The following CYRIA variants were observed in gnomAD, a reference collection of about 807,000 sequenced individuals.
CYRIA encodes the protein CYFIP related Rac1 interactor A, also known as CYFIP-related Rac1 interactor A.
CYRIA carries 15 observed loss-of-function variants against 43.9 expected under a neutral mutation model. The observed-to-expected ratio is 0.34, with a 90% CI of 0.23 to 0.53. The LOEUF (loss-of-function observed/expected upper bound fraction) is 0.53, where lower values mean the gene tolerates loss of function less well. CYRIA is among the 20% of genes least tolerant of loss of function. CYRIA has a pLI of 0.94. For synonymous variants in CYRIA, 117 were observed against 136.0 expected, an observed-to-expected ratio of 0.86 and a Z score of 0.97; for missense variants, 236 against 394.2, an observed-to-expected ratio of 0.60 and a Z score of 3.40.
chr2:16,592,316 A>C lies in CYRIA; in HGVS notation c.-10-4187T>G, dbSNP rs572851565. 2.6e-5 allele frequency among the ~76,000 whole-genome samples: 4 copies of C among 152,254 alleles called. No homozygotes were observed. The South Asian group carries it at 8.3e-4, about 32-fold the overall frequency. On this transcript the variant is annotated intron_variant, in intron 2 of 11. Transcript: ENST00000381323. ...GGTATAAGGTCTTGGCTACCAGAGG[A>C]AGAGACGGGAGAGGATATACCAGTT... is the stretch of plus-strand genomic sequence containing the variant.
At chr2:16,637,612 A>G (rs1669537645) in intron 1 of CYRIA, among the ~76,000 whole-genome samples, 1 of 152,228 alleles carries the variant, frequency 6.6e-6, no homozygotes, top group Non-Finnish European at 1.5e-5. Flanking sequence ...TGAACTGACT[A>G]AGCCAATGAC....
intron 1 of CYRIA, among the ~76,000 whole-genome samples, chr2:16,632,951 G>T (rs894369060): frequency 6.6e-6 from 1 of 152,144 alleles, no homozygotes; most frequent in Non-Finnish European, 1.5e-5. Context: ...GGCTGCAGGA[G>T]GGGGGTGCAC....
At chr2:16,631,338 G>A (rs1286413212) in intron 1 of CYRIA, among the ~76,000 whole-genome samples, 1 of 152,224 alleles carries the variant, frequency 6.6e-6, no homozygotes, top group Non-Finnish European at 1.5e-5. Context: ...GCTTCTCTGA[G>A]GGCAGTGAAT....
chr2:16,647,645 T>C (rs1412452326), intron 1 of CYRIA, among the ~76,000 whole-genome samples: 1 of 152,220 alleles, frequency 6.6e-6, no homozygotes, highest in Non-Finnish European at 1.5e-5. Context: ...TAGCCATACA[T>C]ACTGACCTCT....
chr2:16,559,010 G>A (rs1244839980), intron 10 of CYRIA, among the ~76,000 whole-genome samples: 1 of 152,174 alleles, frequency 6.6e-6, no homozygotes, highest in Non-Finnish European at 1.5e-5. Flanking sequence ...AAATGATGAG[G>A]AAAGGCATGG....
chr2:16,630,346 C>T (rs1669291098), intron 1 of CYRIA, among the ~76,000 whole-genome samples: 1 of 152,154 alleles, frequency 6.6e-6, no homozygotes, highest in Admixed American at 6.5e-5. Flanking sequence ...CCAGGCCACC[C>T]TCAGAGGTGG....
chr2:16,553,109 C>T lies in CYRIA; in HGVS notation c.909-110G>A, dbSNP rs1310606850. On this transcript the variant is annotated intron_variant, in intron 11 of 11. Coordinates refer to ENST00000381323, the MANE Select transcript of CYRIA (RefSeq NM_030797.4). ...TGATATTTGGGCTTATTTCTTTAGACAAAAATCCACACTTCAATGCTCACA... is the reference window on the plus strand; with the variant it reads ...TGATATTTGGGCTTATTTCTTTAGATAAAAATCCACACTTCAATGCTCACA... 5.5e-6 allele frequency: 4 copies of T among 732,296 alleles called. No homozygotes were observed. In the African/African-American group the frequency reaches 7.0e-5, roughly 13 times the overall value. The allele number at this position is 732,296 out of a possible 1,614,324, so 45.4% of individuals were successfully genotyped here.
Position 16,561,141 on chromosome 2 carries a change from C to T in CYRIA, c.630+20G>A, listed in dbSNP as rs773840446. The T allele has an allele frequency of 3.7e-6, 6 of 1,610,646 alleles. No homozygotes were observed. Among genetic ancestry groups the T allele is most frequent in the East Asian group, 4.5e-5 (2 of 44,834 alleles). On this transcript the variant is annotated intron_variant, in intron 8 of 11. Transcript: ENST00000381323. ...TGTGGAATTAAGGAAAAAAGCACCTCGTTGCTCAACTTCACTTACTTCAGA... is the reference window on the plus strand; with the variant it reads ...TGTGGAATTAAGGAAAAAAGCACCTTGTTGCTCAACTTCACTTACTTCAGA...
At position 16,610,921 on chromosome 2, in the gene CYRIA, T is replaced by TATAC. The variant is rs1553344322; in HGVS notation, c.-11+12942_-11+12943insGTAT. 1.7e-4 allele frequency among the ~76,000 whole-genome samples: 11 copies of TATAC among 64,802 alleles called. 1 individual carries two copies. Among genetic ancestry groups the TATAC allele is most frequent in the Admixed American group, 4.9e-4 (3 of 6,116 alleles). 42.5% of individuals were successfully genotyped at this position (64,802 alleles called of 152,430 possible). A position where few individuals can be genotyped will look rare whatever the true frequency, so the allele number is the denominator to read the frequency against. Reference sequence around the variant, plus strand: ...ACATATATATATATATATATATATATATATATATATATATATCCTGTATAT... The same window carrying TATAC: ...ACATATATATATATATATATATATATATACATATATATATATATATCCTGTATAT... On this transcript the variant is annotated intron_variant, in intron 2 of 11. Transcript: ENST00000381323.
chr2:16,601,338 G>C (rs1668199947), intron 2 of CYRIA, among the ~76,000 whole-genome samples: 1 of 152,048 alleles, frequency 6.6e-6, no homozygotes, highest in Admixed American at 6.5e-5. Flanking sequence ...GAGTGTGAAG[G>C]GAACACAGAA....
intron 2 of CYRIA, among the ~76,000 whole-genome samples, chr2:16,600,150 C>G (rs1668154669): frequency 6.6e-6 from 1 of 152,190 alleles, no homozygotes; most frequent in South Asian, 2.1e-4. Flanking sequence ...AAAGAAAACC[C>G]AACCAAAGTG....
At chr2:16,553,079 A>G in intron 11 of CYRIA, 80 bp from the exon 12 acceptor site, 1 of 875,424 alleles carries the variant, frequency 1.1e-6, no homozygotes, top group South Asian at 1.3e-5. Context: ...CTTCGGAAAC[A>G]CAATTGATAT....
chr2:16,652,865 T>G (rs1338216767), intron 1 of CYRIA, among the ~76,000 whole-genome samples: 4 of 152,168 alleles, frequency 2.6e-5, no homozygotes, highest in African/African-American at 7.2e-5. Flanking sequence ...TGGCACCTTA[T>G]CCTTTCCTTA....
intron 2 of CYRIA, among the ~76,000 whole-genome samples, chr2:16,588,860 C>CA (rs1313994193): frequency 3.9e-5 from 6 of 151,978 alleles, no homozygotes; most frequent in Non-Finnish European, 1.5e-5. Context: ...GCATAATGCC[C>CA]AAAAAGTTAC....
intron 1 of CYRIA, among the ~76,000 whole-genome samples, chr2:16,632,500 T>C (rs1416174388): frequency 6.6e-6 from 1 of 152,124 alleles, no homozygotes; most frequent in Non-Finnish European, 1.5e-5. Flanking sequence ...TCAGAGGCAA[T>C]GATATATCGC....
rs148727609 is a variant in CYRIA, at chr2:16,558,733, C to T, written c.837+727G>A. Among the ~76,000 whole-genome samples, 220 of 152,122 alleles carry T rather than the reference C, an allele frequency of 1.4e-3. 6 individuals are homozygous for T. Among genetic ancestry groups the T allele is most frequent in the African/African-American group, 5.1e-3 (211 of 41,498 alleles). ...CTGTTGAGTTCCACCCACTATGTGC[C>T]AGGTACTGTGTGAGGCAATAGAGCA... On this transcript the variant is annotated intron_variant, in intron 10 of 11. Coordinates refer to ENST00000381323, the MANE Select transcript of CYRIA (RefSeq NM_030797.4).
At chr2:16,665,577 G>C (rs1670369856) in intron 1 of CYRIA, among the ~76,000 whole-genome samples, 2 of 151,978 alleles carry the variant, frequency 1.3e-5, no homozygotes, top group Admixed American at 1.3e-4. Context: ...CCTCTGTCCG[G>C]CGATCGCTAG....
intron 1 of CYRIA, among the ~76,000 whole-genome samples, chr2:16,625,409 C>A: frequency 6.6e-6 from 1 of 151,660 alleles, no homozygotes. Flanking sequence ...GAAGAAAAAA[C>A]AGGAAGTGAA....
At chr2:16,616,085 G>A (rs556186253) in intron 2 of CYRIA, among the ~76,000 whole-genome samples, 6 of 152,316 alleles carry the variant, frequency 3.9e-5, no homozygotes, top group African/African-American at 7.2e-5. Flanking sequence ...GTCCCTCAAG[G>A]GGACGAGGCC....
Sources: gnomAD v4.1 joint callset for allele counts (sites outside exome capture counted in the v4.1 genomes callset) on GRCh38, gnomAD v4.1.1 for gene constraint, MANE v1.5 for transcripts, NCBI Gene and HGNC (gene_info 2026-07-23, HGNC 2026-07-21) for gene names.